Variants in DIAPH2 observed in about 807,000 individuals in gnomAD.
The protein encoded by DIAPH2 is diaphanous related formin 2.
In DIAPH2, 35 loss-of-function variants were observed where a neutral mutation model predicts 92.7. That is an observed-to-expected ratio of 0.38 (90% CI 0.29 to 0.50). The LOEUF is 0.50. DIAPH2 is among the 20% of genes least tolerant of loss of function. The probability of loss-of-function intolerance (pLI) is 0.94; values close to 1 mark genes in which losing one functional copy is unlikely to be tolerated. For missense variants in DIAPH2, 701 were observed against 819.5 expected, an observed-to-expected ratio of 0.86 and a Z score of 1.77; for synonymous variants, 301 against 280.4, an observed-to-expected ratio of 1.07 and a Z score of -0.73.
At chrX:96,977,301 G>T (rs766137209) in intron 17 of DIAPH2, among the ~76,000 whole-genome samples, 1 of 111,666 alleles carries the variant, frequency 9.0e-6, no homozygotes, top group East Asian at 2.8e-4. Context: ...ATTTTTTTAG[G>T]CATTTTCTAT....
At chrX:97,128,788 T>A (rs1368221324) in intron 21 of DIAPH2, among the ~76,000 whole-genome samples, 1 of 112,334 alleles carries the variant, frequency 8.9e-6, no homozygotes, top group Non-Finnish European at 1.9e-5. Flanking sequence ...AGCCTTTGTG[T>A]TACTTTGTGT....
chrX:96,923,607 A>G (rs1469502097), intron 9 of DIAPH2, among the ~76,000 whole-genome samples: 1 of 111,781 alleles, frequency 8.9e-6, no homozygotes, highest in Non-Finnish European at 1.9e-5. Context: ...ACAGCAGACT[A>G]GAAGTGCAGG....
chrX:97,025,779 A>G (rs903416669), intron 17 of DIAPH2, among the ~76,000 whole-genome samples: 1 of 112,792 alleles, frequency 8.9e-6, no homozygotes, highest in African/African-American at 3.2e-5. Context: ...TCATGTGGTA[A>G]TATTAATTTT....
At chrX:96,795,456 G>A (rs925504582) in intron 4 of DIAPH2, among the ~76,000 whole-genome samples, 2 of 110,345 alleles carry the variant, frequency 1.8e-5, no homozygotes, top group African/African-American at 6.6e-5. Flanking sequence ...ACATCATTTA[G>A]ATCAAGTCAG....
intron 26 of DIAPH2, among the ~76,000 whole-genome samples, chrX:97,443,843 C>T (rs948444110): frequency 8.9e-6 from 1 of 112,139 alleles, no homozygotes; most frequent in African/African-American, 3.2e-5. Context: ...TCCACTCCCA[C>T]ATGGCTACTT....
chrX:97,286,410 C>G (rs981049833), intron 23 of DIAPH2, among the ~76,000 whole-genome samples: 1 of 110,926 alleles, frequency 9.0e-6, no homozygotes, highest in South Asian at 3.8e-4. Context: ...TCTAAACTCT[C>G]GGGTTTTAAG....
At chrX:97,364,145 A>G (rs1421615680) in intron 24 of DIAPH2, among the ~76,000 whole-genome samples, 1 of 112,024 alleles carries the variant, frequency 8.9e-6, no homozygotes, top group Admixed American at 9.5e-5. Context: ...CTCTGAAAGA[A>G]CATCATATAT....
intron 26 of DIAPH2, among the ~76,000 whole-genome samples, chrX:97,530,862 A>G (rs1209355399): frequency 8.9e-6 from 1 of 112,027 alleles, no homozygotes; most frequent in Non-Finnish European, 1.9e-5. Context: ...CTGTTTCAAT[A>G]AGGAAAGAGT....
chrX:96,932,280 TCTTA>T (rs1191095964), intron 10 of DIAPH2, among the ~76,000 whole-genome samples: 1 of 111,393 alleles, frequency 9.0e-6, no homozygotes, highest in East Asian at 2.8e-4. Context: ...TAGTTGTTGC[TCTTA>T]CTTTTCTCTC....
chrX:97,467,749 G>A (rs762114211), intron 26 of DIAPH2, among the ~76,000 whole-genome samples: 1 of 112,179 alleles, frequency 8.9e-6, no homozygotes, highest in East Asian at 2.8e-4. Flanking sequence ...TAACACCTTT[G>A]CAAAATCCTA....
chrX:96,786,204 C>G (rs1309011965), intron 4 of DIAPH2, among the ~76,000 whole-genome samples: 1 of 111,793 alleles, frequency 8.9e-6, no homozygotes, highest in African/African-American at 3.3e-5. Flanking sequence ...AAACTTTACA[C>G]TATTATGTAG....
intron 23 of DIAPH2, among the ~76,000 whole-genome samples, chrX:97,282,603 C>T (rs2147601971): frequency 8.9e-6 from 1 of 112,170 alleles, no homozygotes; most frequent in South Asian, 3.7e-4. Context: ...GCCACCATGC[C>T]TGGCCTTTAG....
chrX:96,699,040 A>G (rs1323297023), intron 1 of DIAPH2, among the ~76,000 whole-genome samples: 2 of 111,001 alleles, frequency 1.8e-5, no homozygotes, highest in Non-Finnish European at 3.8e-5. Context: ...TTGATTACCA[A>G]TGTTAATGAG....
chrX:96,904,529 T>A (rs1379489798), intron 5 of DIAPH2, among the ~76,000 whole-genome samples: 1 of 111,746 alleles, frequency 8.9e-6, no homozygotes, highest in East Asian at 2.8e-4. Flanking sequence ...TGTTTATATA[T>A]TTTTTAGTGG....
At chrX:96,994,394 G>A (rs2066091477) in intron 17 of DIAPH2, among the ~76,000 whole-genome samples, 1 of 111,648 alleles carries the variant, frequency 9.0e-6, no homozygotes, top group Admixed American at 9.5e-5. Flanking sequence ...AAAAACAAAA[G>A]TTAAGCTTCA....
chrX:96,944,592 T>C (rs1480014081), intron 13 of DIAPH2, among the ~76,000 whole-genome samples: 1 of 112,155 alleles, frequency 8.9e-6, no homozygotes, highest in East Asian at 2.8e-4. Context: ...CTCTCATTAG[T>C]TGCATTTTTT....
intron 23 of DIAPH2, among the ~76,000 whole-genome samples, chrX:97,258,444 G>A (rs1178910281): frequency 5.4e-5 from 6 of 110,699 alleles, no homozygotes; most frequent in African/African-American, 2.0e-4. Context: ...CGCGTGGCAC[G>A]CGCCTGTAGT....
rs748309881 is a variant in DIAPH2 at position 97,287,952 on chromosome X, C to CA, written c.2844+40141dup. 3.2e-3 allele frequency among the ~76,000 whole-genome samples: 126 copies of CA among 39,777 alleles called. 5 individuals carry two copies. The highest frequency in any genetic ancestry group is 0.013 in the African/African-American group (120 of 9,016). 34.5% of individuals were successfully genotyped at this position (39,777 alleles called of 115,157 possible). A position where few individuals can be genotyped will look rare whatever the true frequency, so the allele number is the denominator to read the frequency against. On this transcript the variant is annotated intron_variant, in intron 23 of 26. Coordinates refer to ENST00000324765, the MANE Select transcript of DIAPH2 (RefSeq NM_006729.5). ...TGGGTAACAGAGTGAGACTCTGTCT[C>CA]AAAAAAAAAAAAAAAAAAAAAAAAA...
chrX:97,202,952 A>T (rs2067765267), intron 22 of DIAPH2, among the ~76,000 whole-genome samples: 1 of 112,195 alleles, frequency 8.9e-6, no homozygotes, highest in South Asian at 3.7e-4. Flanking sequence ...ATGCAAAACA[A>T]TGGAAATCAT....
Sources: allele counts gnomAD v4.1 joint callset (sites outside exome capture counted in the v4.1 genomes callset), GRCh38; gene constraint gnomAD v4.1.1; transcripts MANE v1.5; gene names NCBI Gene and HGNC (gene_info 2026-07-23, HGNC 2026-07-21).